GFRA1: variants seen among roughly 807,000 people sequenced by gnomAD.
GFRA1 encodes the protein GDNF family receptor alpha 1.
GFRA1 carries 16 observed loss-of-function variants against 51.6 expected under a neutral mutation model. That is an observed-to-expected ratio of 0.31 (90% confidence interval 0.21 to 0.47). The LOEUF is 0.47. Ranked by LOEUF, GFRA1 falls within the 20% of genes least tolerant of loss-of-function variation. GFRA1 has a pLI of 1.00. For synonymous variants in GFRA1, 270 were observed against 241.3 expected (o/e 1.12, Z -1.10); for missense variants, 530 against 594.3 (o/e 0.89, Z 1.13).
intron 2 of GFRA1, 47 bp from the exon 3 acceptor site, chr10:116,271,162 C>G (rs1342696528): frequency 2.6e-6 from 4 of 1,538,740 alleles, no homozygotes; most frequent in Middle Eastern, 2.2e-4. Context: ...GCGGGGACCC[C>G]GGCCGCCCCT....
At chr10:116,179,999 T>C (rs147637992) in intron 5 of GFRA1, among the ~76,000 whole-genome samples, 113 of 152,302 alleles carry the variant, frequency 7.4e-4, no homozygotes, top group African/African-American at 2.6e-3. Flanking sequence ...AGATATTTTG[T>C]TTCCCACACT....
chr10:116,058,449 A>AG lies in GFRA1; in HGVS notation c.*5948dup, dbSNP rs1310434534. 1 of 152,224 alleles carries AG rather than the reference A, an allele frequency of 6.6e-6. No homozygotes were observed. Among genetic ancestry groups the AG allele is most frequent in the Non-Finnish European group, 1.5e-5 (1 of 68,104 alleles). 9.4% of individuals were successfully genotyped at this position (152,224 alleles called of 1,614,324 possible). The stretch of plus-strand genomic sequence containing the variant: ...AAGCTCATGGCCCTCTGAGGCCCAG[A>AG]GGAGTGGCTGCCCAAGTGCTCAGAG... On this transcript the variant is annotated 3_prime_UTR_variant, in exon 11 of 11. Transcript: ENST00000355422.
intron 5 of GFRA1, among the ~76,000 whole-genome samples, chr10:116,139,181 G>A (rs1007856715): frequency 6.6e-6 from 1 of 152,178 alleles, no homozygotes; most frequent in African/African-American, 2.4e-5. Context: ...CTATAGGATG[G>A]TGCAAAAGTA....
chr10:116,172,257 A>G (rs922674052), intron 5 of GFRA1, among the ~76,000 whole-genome samples: 1 of 152,112 alleles, frequency 6.6e-6, no homozygotes, highest in Admixed American at 6.5e-5. Context: ...CACACTAGAC[A>G]TTAGAGGTAA....
intron 5 of GFRA1, among the ~76,000 whole-genome samples, chr10:116,207,316 T>C (rs1964857457): frequency 6.7e-6 from 1 of 148,866 alleles, no homozygotes; most frequent in South Asian, 2.2e-4. Context: ...CATAGATGAG[T>C]TCAGTTTGTT....
chr10:116,269,978 G>A (rs1007816039), intron 3 of GFRA1, among the ~76,000 whole-genome samples: 1 of 152,108 alleles, frequency 6.6e-6, no homozygotes, highest in Non-Finnish European at 1.5e-5. Context: ...CCTGGCATAC[G>A]GTTGGAAAGC....
At chr10:116,121,705 T>G (rs924044242) in intron 6 of GFRA1, among the ~76,000 whole-genome samples, 2 of 152,164 alleles carry the variant, frequency 1.3e-5, no homozygotes, top group Non-Finnish European at 2.9e-5. Flanking sequence ...AAGAATATGG[T>G]TTTTAGGAAG....
At chr10:116,081,562 T>C (rs950945617) in intron 9 of GFRA1, among the ~76,000 whole-genome samples, 1 of 152,192 alleles carries the variant, frequency 6.6e-6, no homozygotes, top group African/African-American at 2.4e-5. Context: ...AGTATCTGTG[T>C]GCCTCGGGTC....
chr10:116,081,941 T>C (rs1479525605), intron 9 of GFRA1, among the ~76,000 whole-genome samples: 1 of 152,232 alleles, frequency 6.6e-6, no homozygotes, highest in Non-Finnish European at 1.5e-5. Flanking sequence ...GTAGTGTGCA[T>C]ATAAATAAGT....
At chr10:116,268,461 G>A (rs1049216563) in intron 4 of GFRA1, among the ~76,000 whole-genome samples, 2 of 152,136 alleles carry the variant, frequency 1.3e-5, no homozygotes, top group African/African-American at 4.8e-5. Context: ...TGCCCAAACC[G>A]CAATAGCTAG....
intron 9 of GFRA1, among the ~76,000 whole-genome samples, chr10:116,077,676 C>T (rs1030171926): frequency 6.6e-6 from 1 of 152,134 alleles, no homozygotes; most frequent in Non-Finnish European, 1.5e-5. Flanking sequence ...TATGTTGAAC[C>T]AAAGTTTGCT....
chr10:116,123,804 G>T (rs10787621), intron 6 of GFRA1, among the ~76,000 whole-genome samples: 34,550 of 152,130 alleles, frequency 0.23, 3,936 homozygotes, highest in Middle Eastern at 0.26. Flanking sequence ...ACATGAAATG[G>T]TTAACAGTGA....
chr10:116,238,413 C>T (rs567708799), intron 4 of GFRA1, among the ~76,000 whole-genome samples: 1 of 152,282 alleles, frequency 6.6e-6, no homozygotes, highest in South Asian at 2.1e-4. Flanking sequence ...GCCTGCCTTC[C>T]GAAGGGCCAG....
At chr10:116,072,103 G>A (rs192337221) in intron 9 of GFRA1, among the ~76,000 whole-genome samples, 28 of 151,190 alleles carry the variant, frequency 1.9e-4, no homozygotes, top group Non-Finnish European at 3.4e-4. Flanking sequence ...TGCCTTTTCA[G>A]ATATATTCAA....
At chr10:116,065,328 G>A (rs1264763327) in intron 10 of GFRA1, among the ~76,000 whole-genome samples, 1 of 152,182 alleles carries the variant, frequency 6.6e-6, no homozygotes, top group Admixed American at 6.5e-5. Context: ...GAGGCTCAGG[G>A]CCCTGGAACA....
intron 6 of GFRA1, among the ~76,000 whole-genome samples, chr10:116,101,096 G>C (rs140719638): frequency 6.6e-6 from 1 of 152,314 alleles, no homozygotes; most frequent in East Asian, 1.9e-4. Flanking sequence ...ACCAACTGCA[G>C]CCTGAGCACC....
intron 5 of GFRA1, among the ~76,000 whole-genome samples, chr10:116,207,614 T>TGA (rs140237349): frequency 0.21 from 31,544 of 149,928 alleles, 3,311 homozygotes; most frequent in South Asian, 0.28. Flanking sequence ...AATATATGAT[T>TGA]GATATATATA....
At chr10:116,184,847 T>G (rs1962555129) in intron 5 of GFRA1, among the ~76,000 whole-genome samples, 1 of 152,214 alleles carries the variant, frequency 6.6e-6, no homozygotes, top group East Asian at 1.9e-4. Context: ...GGGACAGCTC[T>G]CACCAAGGGC....
intron 4 of GFRA1, among the ~76,000 whole-genome samples, chr10:116,224,440 C>T (rs775235572): frequency 5.7e-4 from 87 of 152,244 alleles, no homozygotes; most frequent in Middle Eastern, 3.4e-3. Context: ...GGAAATAATA[C>T]GAATGTCCAT....
Sources: allele counts gnomAD v4.1 joint callset (sites outside exome capture counted in the v4.1 genomes callset), GRCh38; gene constraint gnomAD v4.1.1; transcripts MANE v1.5; gene names NCBI Gene and HGNC (gene_info 2026-07-23, HGNC 2026-07-21).